Variants in PTP4A2 observed in about 807,000 individuals in gnomAD.
PTP4A2 encodes protein tyrosine phosphatase 4A2, also known as protein tyrosine phosphatase type IVA 2.
PTP4A2 carries 2 observed loss-of-function variants against 22.9 expected under a neutral mutation model. That is an observed-to-expected ratio of 0.09 (90% CI 0.04 to 0.27). The LOEUF (loss-of-function observed/expected upper bound fraction) is 0.27. Ranked by LOEUF, PTP4A2 falls within the 10% of genes least tolerant of loss-of-function variation. The pLI is 1.00. For synonymous variants in PTP4A2, 68 were observed against 69.1 expected, an observed-to-expected ratio of 0.98 and a Z score of 0.08; for missense variants, 103 against 205.1, an observed-to-expected ratio of 0.50 and a Z score of 3.04.
At chr1:31,912,500 C>T (rs1337544823) in intron 3 of PTP4A2, among the ~76,000 whole-genome samples, 1 of 152,102 alleles carries the variant, frequency 6.6e-6, no homozygotes, top group African/African-American at 2.4e-5. Flanking sequence ...GTCAAGTATC[C>T]CTTTCTCTTT....
intron 1 of PTP4A2, chr1:31,921,404 ATTAT>A (rs1652149570): frequency 6.6e-6 from 1 of 152,106 alleles, no homozygotes; most frequent in African/African-American, 2.4e-5. Flanking sequence ...TTACCTTTTT[ATTAT>A]TTGTCACATA....
At chr1:31,926,884 G>A (rs1303076790) in intron 1 of PTP4A2, among the ~76,000 whole-genome samples, 1 of 152,166 alleles carries the variant, frequency 6.6e-6, no homozygotes, top group Non-Finnish European at 1.5e-5. Context: ...ACTGAAAAAA[G>A]TGACTTTTTA....
chr1:31,912,921 G>A lies in PTP4A2; in HGVS notation c.190-1095C>T, dbSNP rs868164973. ...TGACAACTACGCCCCATAATTAAAG[G>A]ACTGTGTTATTATAAATGTCACTAG... On this transcript the variant is annotated intron_variant, in intron 3 of 5. Coordinates refer to ENST00000647444, the MANE Select transcript of PTP4A2 (RefSeq NM_080391.4). 9.2e-5 allele frequency: 38 copies of A among 411,972 alleles called. 2 individuals are homozygous for A. In the Middle Eastern group the frequency reaches 0.012, roughly 134 times the overall value. 25.5% of individuals were successfully genotyped at this position (411,972 alleles called of 1,614,324 possible).
Position 31,920,126 on chromosome 1 carries a change from C to CAAA in PTP4A2, c.-593-471_-593-469dup, listed in dbSNP as rs772173962. 2.9e-3 allele frequency among the ~76,000 whole-genome samples: 127 copies of CAAA among 43,130 alleles called. 3 individuals are homozygous for CAAA. Among genetic ancestry groups the CAAA allele is most frequent in the East Asian group, 6.1e-3 (9 of 1,474 alleles). 28.3% of individuals were successfully genotyped at this position (43,130 alleles called of 152,430 possible). A position where few individuals can be genotyped will look rare whatever the true frequency, so the allele number is the denominator to read the frequency against. On this transcript the variant is annotated intron_variant, in intron 1 of 5. Transcript: ENST00000647444. ...GGGCAACAAGAGCAAAACTCTGCCTCAAAAAAAAAAAAAAAAAAAAAAAAT... is the reference window on the plus strand; with the variant it reads ...GGGCAACAAGAGCAAAACTCTGCCTCAAAAAAAAAAAAAAAAAAAAAAAAAAAT...
rs1204595576 is a variant in PTP4A2 at position 31,908,140 on chromosome 1, TTATA to T, written c.*708_*711del. The T allele has an allele frequency of 7.1e-3, 3 of 424 alleles. No individual in the cohort carries two copies. Among genetic ancestry groups the T allele is most frequent in the Admixed American group, 0.025 (1 of 40 alleles). 0.0% of individuals were successfully genotyped at this position (424 alleles called of 1,614,324 possible). A position where few individuals can be genotyped will look rare whatever the true frequency, so the allele number is the denominator to read the frequency against. On this transcript the variant is annotated 3_prime_UTR_variant, in exon 6 of 6. Coordinates refer to ENST00000647444, the MANE Select transcript of PTP4A2 (RefSeq NM_080391.4). ...TATATATATATATATATATATTATATTATATATATATATATATATATATATATAT... is the reference window on the plus strand; with the variant it reads ...TATATATATATATATATATATTATATTATATATATATATATATATATATAT...
intron 1 of PTP4A2, chr1:31,932,944 GCTAA>G (rs1029407556): frequency 7.3e-4 from 111 of 152,230 alleles, no homozygotes; most frequent in African/African-American, 2.6e-3. Context: ...ATGAGAGAAA[GCTAA>G]CTGACACCTC....
At chr1:31,923,341 T>C (rs1435596112) in intron 1 of PTP4A2, among the ~76,000 whole-genome samples, 1 of 145,066 alleles carries the variant, frequency 6.9e-6, no homozygotes, top group African/African-American at 2.6e-5. Flanking sequence ...TTTTTTTTTT[T>C]TTTTTTTTTT....
intron 2 of PTP4A2, 97 bp from the exon 3 acceptor site, chr1:31,916,084 G>A (rs941234397): frequency 1.1e-5 from 8 of 754,478 alleles, no homozygotes; most frequent in Non-Finnish European, 1.5e-5. Flanking sequence ...GGTGGTTCAC[G>A]CCTATAATCC....
At chr1:31,932,686 C>G (rs1652772498) in intron 1 of PTP4A2, 2 of 152,260 alleles carry the variant, frequency 1.3e-5, no homozygotes, top group South Asian at 4.1e-4. Flanking sequence ...GTCCTGGTAA[C>G]TCCACAATGG....
intron 1 of PTP4A2, among the ~76,000 whole-genome samples, chr1:31,920,766 G>A (rs1652107678): frequency 6.6e-6 from 1 of 151,942 alleles, no homozygotes; most frequent in Non-Finnish European, 1.5e-5. Flanking sequence ...TCGAACTCCT[G>A]ACCTCAGGTG....
chr1:31,937,209 A>AGCGG (rs1652973577), intron 1 of PTP4A2, among the ~76,000 whole-genome samples: 1 of 152,160 alleles, frequency 6.6e-6, no homozygotes, highest in African/African-American at 2.4e-5. Context: ...AAGTCATGAA[A>AGCGG]CGTGGGAGAA....
At chr1:31,915,355 G>GTT (rs1288881986) in intron 3 of PTP4A2, among the ~76,000 whole-genome samples, 1 of 151,636 alleles carries the variant, frequency 6.6e-6, no homozygotes, top group African/African-American at 2.4e-5. Flanking sequence ...TACTGCCAGG[G>GTT]TTTTTTTGTT....
intron 3 of PTP4A2, 66 bp from the exon 4 acceptor site, chr1:31,911,892 T>C: frequency 1.5e-6 from 2 of 1,296,914 alleles, no homozygotes; most frequent in South Asian, 3.0e-5. Flanking sequence ...TAATACAGAA[T>C]ACCTGCACAC....
Position 31,916,345 on chromosome 1 carries a change from CAAAAAAAAAAAAAAAAAAA to C in PTP4A2, c.97-377_97-359del, listed in dbSNP as rs1167002913. Among the ~76,000 whole-genome samples, 36 of 35,448 alleles carry C rather than the reference CAAAAAAAAAAAAAAAAAAA, an allele frequency of 1.0e-3. 1 individual carries two copies. Among genetic ancestry groups the C allele is most frequent in the African/African-American group, 2.6e-3 (33 of 12,688 alleles). The allele number at this position is 35,448 out of a possible 152,430, so 23.3% of individuals were successfully genotyped here. On this transcript the variant is annotated intron_variant, in intron 2 of 5. Coordinates refer to ENST00000647444, the MANE Select transcript of PTP4A2 (RefSeq NM_080391.4). ...GGGCGACAGAGCGAGACTCCGTCTC[CAAAAAAAAAAAAAAAAAAA>C]AAAAAAAAGAAATCTACTATTATAA...
intron 1 of PTP4A2, among the ~76,000 whole-genome samples, chr1:31,934,821 T>C (rs1015454045): frequency 6.6e-6 from 1 of 152,250 alleles, no homozygotes; most frequent in African/African-American, 2.4e-5. Flanking sequence ...GGTTTCTGCC[T>C]ATAAATTTGG....
At chr1:31,933,033 CCT>C in intron 1 of PTP4A2, 1 of 151,892 alleles carries the variant, frequency 6.6e-6, no homozygotes, top group South Asian at 2.1e-4. Flanking sequence ...ACAGGGTCTC[CCT>C]CTGTCTCCCA....
intron 1 of PTP4A2, among the ~76,000 whole-genome samples, chr1:31,923,268 G>A (rs1652279462): frequency 6.7e-6 from 1 of 150,162 alleles, no homozygotes; most frequent in Admixed American, 6.6e-5. Flanking sequence ...ATGCAGTGGT[G>A]CAATCATAGC....
In PTP4A2 at chr1:31,915,949, A is replaced by G. The variant is rs142586217; in HGVS notation, c.135T>C (p.Val45=). 97 of 1,608,352 alleles carry G rather than the reference A, an allele frequency of 6.0e-5. No individual in the cohort carries two copies. In the African/African-American group the frequency reaches 1.1e-3, roughly 18 times the overall value. Residue 45 remains valine, a synonymous_variant, in exon 3 of 6, where the codon GTT becomes GTC. Coordinates refer to ENST00000647444, the MANE Select transcript of PTP4A2 (RefSeq NM_080391.4). ...KKYGVTTLVR[V]CDATYDKAPV... ...GAGCTTTATCATATGTAGCATCACA[A>G]ACTCGAACCAAAGTCGTCACTCCAT...
At chr1:31,914,442 T>C (rs1275945805) in intron 3 of PTP4A2, 2 of 362,280 alleles carry the variant, frequency 5.5e-6, no homozygotes, top group East Asian at 1.5e-4. Flanking sequence ...AAACTATGGA[T>C]CAGATATAAG....
Sources: allele counts gnomAD v4.1 joint callset (sites outside exome capture counted in the v4.1 genomes callset), GRCh38; gene constraint gnomAD v4.1.1; transcripts MANE v1.5; gene names NCBI Gene and HGNC (gene_info 2026-07-23, HGNC 2026-07-21).